Variants in ZGRF1 observed in about 807,000 individuals in gnomAD.
ZGRF1 encodes the protein zinc finger GRF-type containing 1, also known as 5'-3' DNA helicase ZGRF1.
In ZGRF1, 196 loss-of-function variants were observed where a neutral mutation model predicts 203.5. That is an observed-to-expected ratio of 0.96 (90% CI 0.86 to 1.08). The LOEUF is 1.08. Among genes scored for constraint, ZGRF1 ranks in the 50% least tolerant of loss-of-function variants. The probability of loss-of-function intolerance (pLI) is 0.00; values close to 1 mark genes in which losing one functional copy is unlikely to be tolerated. For missense variants in ZGRF1, 2,326 were observed against 2,416.3 expected (o/e 0.96, Z 0.78); for synonymous variants, 809 against 841.3 (o/e 0.96, Z 0.66).
Position 112,541,246 on chromosome 4 carries a change from C to A in ZGRF1, c.5621G>T (p.Arg1874Ile). The A allele has an allele frequency of 6.3e-7, 1 of 1,584,248 alleles. No individual in the cohort carries two copies. The highest frequency in any genetic ancestry group is 1.2e-5 in the South Asian group (1 of 84,448). Reference sequence around the variant, plus strand: ...TGCAGGATGACAACGGTATTGAGTTCTCAATAGAATTGGCTTGTGACCCTA... The same window carrying A: ...TGCAGGATGACAACGGTATTGAGTTATCAATAGAATTGGCTTGTGACCCTA... Reference protein sequence around the residue: ...CLMGHKPILLRTQYRCHPAIS... With the variant: ...CLMGHKPILLITQYRCHPAIS... The change falls in exon 25 of 28, where the codon AGA becomes ATA. Residue 1874 changes from arginine (R) to isoleucine (I), a missense_variant. Arg to Ile is a moderately conservative substitution (Grantham distance 97, BLOSUM62 -3). Transcript: ENST00000505019.
intron 16 of ZGRF1, among the ~76,000 whole-genome samples, chr4:112,571,585 T>C (rs1324171337): frequency 6.6e-6 from 1 of 152,132 alleles, no homozygotes; most frequent in African/African-American, 2.4e-5. Flanking sequence ...GGTCTCACTA[T>C]GTTGCCCAGG....
At chr4:112,573,767 A>G (rs1274232950) in intron 16 of ZGRF1, among the ~76,000 whole-genome samples, 2 of 152,196 alleles carry the variant, frequency 1.3e-5, no homozygotes, top group East Asian at 1.9e-4. Context: ...GTGAAAAGAC[A>G]TGATCTGATG....
rs970588362 is a variant in ZGRF1, at chr4:112,562,466, C to T, written c.4602G>A (p.Leu1534=). 3 of 1,604,594 alleles carry T rather than the reference C, an allele frequency of 1.9e-6. No homozygotes were observed. The highest frequency in any genetic ancestry group is 1.1e-5 in the South Asian group (1 of 89,746). Residue 1534 remains leucine (L), a synonymous_variant, in exon 18 of 28, where the codon TTG becomes TTA. Transcript: ENST00000505019. ...TCAGTTCTGTGCTAGCATTACAAACCAATAACGCATGGACAACCACTGTAC... is the reference window on the plus strand; with the variant it reads ...TCAGTTCTGTGCTAGCATTACAAACTAATAACGCATGGACAACCACTGTAC... ...WPTNMVVHAL[L]VCNASTELTT...
Position 112,563,225 on chromosome 4 carries a change from A to G in ZGRF1, c.4488T>C (p.Phe1496=), listed in dbSNP as rs1742341450. 3 of 1,551,196 alleles carry G rather than the reference A, an allele frequency of 1.9e-6. No individual in the cohort carries two copies. The highest frequency in any genetic ancestry group is 2.6e-6 in the Non-Finnish European group (3 of 1,146,774). ...SKTLDFELDT[F]IACSAFFGPS... is the part of the protein sequence containing the mutation. ...GTCCAAAGAAAGCACTACATGCGAT[A>G]AAAGTATCCAGCTCAAAGTCTAGGG... The change falls in exon 17 of 28, where the codon TTT becomes TTC. Residue 1496 remains phenylalanine, a synonymous_variant. Coordinates refer to ENST00000505019, the MANE Select transcript of ZGRF1 (RefSeq NM_018392.5).
At position 112,610,850 on chromosome 4, in the gene ZGRF1, G is replaced by A. The variant is rs561813303; in HGVS notation, c.2668-1421C>T. On this transcript the variant is annotated intron_variant, in intron 7 of 27. Coordinates refer to ENST00000505019, the MANE Select transcript of ZGRF1 (RefSeq NM_018392.5). ...AATAACTTTTAAAAAGTATGTTTAA[G>A]AAGAATTATTAATAATGTAAGATAA... 88 of 182,974 alleles carry A rather than the reference G, an allele frequency of 4.8e-4. 1 individual carries two copies. In the South Asian group the frequency reaches 5.9e-3, roughly 12 times the overall value. The allele number at this position is 182,974 out of a possible 1,614,324, so 11.3% of individuals were successfully genotyped here.
At position 112,563,144 on chromosome 4, in the gene ZGRF1, A is replaced by G. The variant is rs1046442372; in HGVS notation, c.4569T>C (p.Asn1523=). The G allele has an allele frequency of 5.2e-6, 8 of 1,549,362 alleles. No individual in the cohort carries two copies. Among genetic ancestry groups the G allele is most frequent in the Middle Eastern group, 1.8e-4 (1 of 5,658 alleles). Residue 1523 remains asparagine (N), a synonymous_variant, in exon 17 of 28, where the codon AAT becomes AAC. Transcript: ENST00000505019. ...AGTAATACTCACTGTTAGTGGGCCA[A>G]TTAGAAGGGAAATAGCCTTTCAAAG... ...ILPLKGYFPS[N]WPTNMVVHAL... is the part of the protein sequence containing the mutation.
Position 112,554,750 on chromosome 4 carries a change from CTGA to C in ZGRF1, c.5150_5152del (p.Ile1717del). 17 of 1,544,574 alleles carry C rather than the reference CTGA, an allele frequency of 1.1e-5. No individual in the cohort carries two copies. The highest frequency in any genetic ancestry group is 1.4e-5 in the Non-Finnish European group (16 of 1,140,766). ...GGCAATCTTCCTAACACTCCCAACTCTGATAAAGTTTTCAAATCCAAGACTGAG... is the reference window on the plus strand; with the variant it reads ...GGCAATCTTCCTAACACTCCCAACTCTAAAGTTTTCAAATCCAAGACTGAG... On this transcript the variant is annotated inframe_deletion, in exon 21 of 28. Coordinates refer to ENST00000505019, the MANE Select transcript of ZGRF1 (RefSeq NM_018392.5).
chr4:112,605,408 G>A (rs1224283260), intron 9 of ZGRF1, among the ~76,000 whole-genome samples: 6 of 152,042 alleles, frequency 3.9e-5, no homozygotes, highest in South Asian at 2.1e-4. Flanking sequence ...TGATCCACCC[G>A]CCTTGGCCTC....
chr4:112,596,368 C>T (rs1370451554), intron 10 of ZGRF1, among the ~76,000 whole-genome samples: 2 of 152,130 alleles, frequency 1.3e-5, no homozygotes, highest in Admixed American at 6.6e-5. Context: ...CTGAAGGCCA[C>T]AGGTGTTGCT....
intron 3 of ZGRF1, 52 bp from the exon 4 acceptor site, chr4:112,623,928 C>G: frequency 1.1e-6 from 1 of 896,482 alleles, no homozygotes. Flanking sequence ...TTATGCTTTT[C>G]TTAAACTTCT....
chr4:112,627,937 C>A (rs186355610), intron 3 of ZGRF1, among the ~76,000 whole-genome samples: 1 of 152,278 alleles, frequency 6.6e-6, no homozygotes, highest in African/African-American at 2.4e-5. Context: ...CCCCACATTT[C>A]GTATCATTTC....
At chr4:112,577,125 A>G (rs1291591876) in intron 16 of ZGRF1, among the ~76,000 whole-genome samples, 1 of 79,564 alleles carries the variant, frequency 1.3e-5, no homozygotes, top group African/African-American at 4.0e-5. Flanking sequence ...GCCAATATTC[A>G]ACATTCTTAA....
Position 112,588,867 on chromosome 4 carries a change from G to A in ZGRF1, c.3127+857C>T, listed in dbSNP as rs767072236. On this transcript the variant is annotated intron_variant, in intron 11 of 27. Transcript: ENST00000505019. ...TCTAACAAGTCGATCAAGTAACACT[G>A]ACAGAAAAGTTAAAAGTCCATTAAA... Among the ~76,000 whole-genome samples, 108 of 152,130 alleles carry A rather than the reference G, an allele frequency of 7.1e-4. 1 individual carries two copies. Among genetic ancestry groups the A allele is most frequent in the Non-Finnish European group, 4.7e-4 (32 of 68,016 alleles).
At chr4:112,590,041 A>AAAATC (rs1747891737) in intron 10 of ZGRF1, among the ~76,000 whole-genome samples, 167 bp from the exon 11 acceptor site, 1 of 152,228 alleles carries the variant, frequency 6.6e-6, no homozygotes, top group Admixed American at 6.5e-5. Flanking sequence ...AGGACAGAAT[A>AAAATC]AACTTACTAA....
At chr4:112,603,252 T>C (rs983439323) in intron 10 of ZGRF1, among the ~76,000 whole-genome samples, 1 of 152,166 alleles carries the variant, frequency 6.6e-6, no homozygotes, top group Non-Finnish European at 1.5e-5. Context: ...GGTGAGTATT[T>C]TCTTTGTGTA....
chr4:112,588,511 A>AT (rs1446731146), intron 11 of ZGRF1, among the ~76,000 whole-genome samples: 2 of 152,172 alleles, frequency 1.3e-5, no homozygotes, highest in African/African-American at 4.8e-5. Context: ...ATGGTGTTTG[A>AT]TAAGAGTATA....
At chr4:112,553,732 G>A (rs1413807040) in intron 22 of ZGRF1, 103 bp downstream of exon 22, 5 of 965,702 alleles carry the variant, frequency 5.2e-6, no homozygotes, top group Non-Finnish European at 6.0e-6. Flanking sequence ...AACTATCATA[G>A]CAGTTTGTTT....
At chr4:112,583,376 C>T (rs1325513148) in intron 15 of ZGRF1, among the ~76,000 whole-genome samples, 1 of 152,102 alleles carries the variant, frequency 6.6e-6, no homozygotes, top group East Asian at 1.9e-4. Flanking sequence ...TATAGTTTGT[C>T]GGATAGGGTT....
chr4:112,579,302 C>T (rs552785236), intron 16 of ZGRF1, among the ~76,000 whole-genome samples: 1 of 122,686 alleles, frequency 8.2e-6, no homozygotes, highest in Non-Finnish European at 1.8e-5. Flanking sequence ...ATGACAAACC[C>T]ACAGCCAATA....
Sources: allele counts gnomAD v4.1 joint callset (sites outside exome capture counted in the v4.1 genomes callset), GRCh38; gene constraint gnomAD v4.1.1; transcripts MANE v1.5; gene names NCBI Gene and HGNC (gene_info 2026-07-23, HGNC 2026-07-21).